Variants in COL23A1 observed in about 807,000 individuals in gnomAD.
The protein encoded by COL23A1 is collagen type XXIII alpha 1 chain.
A neutral mutation model predicts 99.3 loss-of-function variants in COL23A1; 97 were observed. The observed-to-expected ratio is 0.98, with a 90% CI of 0.83 to 1.16. COL23A1 has a LOEUF of 1.16. COL23A1 is among the 50% of genes most tolerant of loss of function. The pLI, the probability that COL23A1 is intolerant of heterozygous loss-of-function variation, is 0.00. For synonymous variants in COL23A1, 320 were observed against 308.2 expected (o/e 1.04, Z -0.40); for missense variants, 762 against 757.4 (o/e 1.01, Z -0.07).
chr5:178,377,710 C>T (rs1429751440), intron 2 of COL23A1, among the ~76,000 whole-genome samples: 2 of 152,170 alleles, frequency 1.3e-5, no homozygotes, highest in Admixed American at 6.5e-5. Flanking sequence ...GCGCGAGTCA[C>T]GGTCACAGTC....
At chr5:178,531,375 C>T (rs1468829559) in intron 2 of COL23A1, among the ~76,000 whole-genome samples, 1 of 152,196 alleles carries the variant, frequency 6.6e-6, no homozygotes, top group Non-Finnish European at 1.5e-5. Context: ...ATCTAGTGCT[C>T]TCCGCATGAC....
intron 2 of COL23A1, among the ~76,000 whole-genome samples, chr5:178,445,065 T>C (rs1222674219): frequency 2.0e-5 from 3 of 152,178 alleles, no homozygotes; most frequent in Non-Finnish European, 4.4e-5. Context: ...AAACAAAACA[T>C]TAGCAAATTT....
chr5:178,264,745 C>T (rs917722844), intron 8 of COL23A1, among the ~76,000 whole-genome samples: 2 of 152,204 alleles, frequency 1.3e-5, no homozygotes, highest in African/African-American at 4.8e-5. Flanking sequence ...CAACCTCCAC[C>T]TCCCGGGTTC....
intron 26 of COL23A1, 72 bp downstream of exon 26, chr5:178,242,269 A>C: frequency 2.6e-6 from 4 of 1,543,784 alleles, no homozygotes; most frequent in Non-Finnish European, 2.7e-6. Context: ...TACCTGCTTC[A>C]CCTGAGCCTC....
Position 178,255,090 on chromosome 5 carries a change from A to G in COL23A1, c.883-64T>C. ...TACACTGAGTTGGAGGTGAAGTGGC[A>G]GCTGTCCCTGCATCACATCCAGAGA... On this transcript the variant is annotated intron_variant, in intron 15 of 28. Transcript: ENST00000390654. The surrounding 1 kb of genome is among the most constrained non-coding windows in gnomAD (Gnocchi z 4.2). The G allele has an allele frequency of 7.5e-7, 1 of 1,341,622 alleles. No homozygotes were observed. Among genetic ancestry groups the G allele is most frequent in the Non-Finnish European group, 1.1e-6 (1 of 934,726 alleles). The allele number at this position is 1,341,622 out of a possible 1,614,324, so 83.1% of individuals were successfully genotyped here.
chr5:178,571,692 T>G (rs1763103318), intron 1 of COL23A1, among the ~76,000 whole-genome samples: 1 of 152,186 alleles, frequency 6.6e-6, no homozygotes, highest in African/African-American at 2.4e-5. Flanking sequence ...GAGGTTGGAA[T>G]TAGCACACAA....
At position 178,349,207 on chromosome 5, in the gene COL23A1, C is replaced by T. The variant is rs73346871; in HGVS notation, c.362-42288G>A. The stretch of plus-strand genomic sequence containing the variant: ...TTCCATGCTTGGATTTTTTTCCCCC[C>T]AAGGTAAAAACCAGCAATGAGTTGA... On this transcript the variant is annotated intron_variant, in intron 2 of 28. Transcript: ENST00000390654. 7.7e-3 allele frequency among the ~76,000 whole-genome samples: 1,179 copies of T among 152,166 alleles called. 15 individuals are homozygous for T. Among genetic ancestry groups the T allele is most frequent in the African/African-American group, 0.027 (1,102 of 41,520 alleles).
intron 2 of COL23A1, among the ~76,000 whole-genome samples, chr5:178,460,616 C>T (rs1463622587): frequency 6.6e-6 from 1 of 152,196 alleles, no homozygotes. Context: ...TGAGCAGCCT[C>T]GGCTTCCCAG....
intron 1 of COL23A1, among the ~76,000 whole-genome samples, chr5:178,570,314 G>A (rs1468330226): frequency 3.3e-5 from 5 of 151,860 alleles, no homozygotes; most frequent in Non-Finnish European, 7.4e-5. Context: ...TCATCATGTT[G>A]CCCAAAATGA....
chr5:178,517,915 T>A (rs1415014450), intron 2 of COL23A1, among the ~76,000 whole-genome samples: 1 of 137,086 alleles, frequency 7.3e-6, no homozygotes, highest in Non-Finnish European at 1.5e-5. Flanking sequence ...TTTATTTTTT[T>A]ATTGATAATT....
intron 2 of COL23A1, among the ~76,000 whole-genome samples, chr5:178,509,282 C>T (rs543347186): frequency 6.6e-5 from 10 of 151,656 alleles, no homozygotes; most frequent in Admixed American, 1.3e-4. Context: ...AGTGCAGTGA[C>T]GCAATCTCAG....
chr5:178,556,625 T>TTAAATTAAAA (rs1554196187), intron 2 of COL23A1, among the ~76,000 whole-genome samples: 4 of 124,470 alleles, frequency 3.2e-5, no homozygotes, highest in African/African-American at 1.3e-4. Flanking sequence ...CTCTGTCAAA[T>TTAAATTAAAA]TAAAATAAAA....
At chr5:178,275,064 C>T (rs765971309) in intron 5 of COL23A1, among the ~76,000 whole-genome samples, 50 of 152,024 alleles carry the variant, frequency 3.3e-4, no homozygotes, top group African/African-American at 3.1e-4. Flanking sequence ...CCTGGGACCC[C>T]GGATGGGCAG....
At chr5:178,399,952 C>T (rs887883233) in intron 2 of COL23A1, among the ~76,000 whole-genome samples, 123 of 152,286 alleles carry the variant, frequency 8.1e-4, no homozygotes, top group Admixed American at 3.7e-3. Flanking sequence ...GGACAGGGTT[C>T]CTGGCACTGT....
intron 2 of COL23A1, among the ~76,000 whole-genome samples, chr5:178,504,309 C>T (rs1758742684): frequency 6.6e-6 from 1 of 151,970 alleles, no homozygotes; most frequent in South Asian, 2.1e-4. Flanking sequence ...TTTAAAATGC[C>T]AATTAAAAAA....
chr5:178,427,577 T>G lies in COL23A1; in HGVS notation c.362-120658A>C, dbSNP rs1047560653. On this transcript the variant is annotated intron_variant, in intron 2 of 28. Transcript: ENST00000390654. ...TGTGGTACAGCCACAGTTTGGGATA[T>G]TATTTAGCTACATAATATTTAGCAC... Among the ~76,000 whole-genome samples the G allele has an allele frequency of 4.6e-5, 7 of 152,334 alleles. No homozygotes were observed. In the South Asian group the frequency reaches 1.0e-3, roughly 23 times the overall value.
chr5:178,262,352 T>C (rs917089229), intron 9 of COL23A1, 100 bp from the exon 10 acceptor site: 1 of 1,118,348 alleles, frequency 8.9e-7, no homozygotes, highest in African/African-American at 1.6e-5. Flanking sequence ...CTAAGTACAT[T>C]ATCTTATCTC....
intron 2 of COL23A1, among the ~76,000 whole-genome samples, chr5:178,466,548 C>T (rs981077377): frequency 9.2e-5 from 14 of 152,170 alleles, no homozygotes; most frequent in African/African-American, 3.1e-4. Flanking sequence ...TGTGAGGCAG[C>T]ACCCTCACCT....
chr5:178,280,600 T>A lies in COL23A1; in HGVS notation c.441+7724A>T, dbSNP rs1427597092. Among the ~76,000 whole-genome samples, 1 of 152,172 alleles carries A rather than the reference T, an allele frequency of 6.6e-6. No homozygotes were observed. Among genetic ancestry groups the A allele is most frequent in the Admixed American group, 6.5e-5 (1 of 15,282 alleles). On this transcript the variant is annotated intron_variant, in intron 5 of 28. Coordinates refer to ENST00000390654, the MANE Select transcript of COL23A1 (RefSeq NM_173465.4). The surrounding 1 kb of genome is among the most constrained non-coding windows in gnomAD (Gnocchi z 4.9). ...AGACCTGGGCTTGGCTCGGTGACTT[T>A]GTGCAGGTCTGTGAACATGTTCTTC...
Sources: gnomAD v4.1 joint callset for allele counts (sites outside exome capture counted in the v4.1 genomes callset) on GRCh38, gnomAD v4.1.1 for gene constraint, Gnocchi (gnomAD v3.1) non-coding constraint, MANE v1.5 for transcripts, NCBI Gene and HGNC (gene_info 2026-07-23, HGNC 2026-07-21) for gene names.